Variants in GPHN observed in about 807,000 individuals in gnomAD.
The protein encoded by GPHN is gephyrin.
In GPHN, 17 loss-of-function variants were observed where a neutral mutation model predicts 95.5. That is an observed-to-expected ratio of 0.18 (90% confidence interval 0.12 to 0.27). The LOEUF is 0.27. Among genes scored for constraint, GPHN ranks in the 10% least tolerant of loss-of-function variants. The pLI is 1.00. For missense variants in GPHN, 660 were observed against 978.1 expected (o/e 0.67, Z 4.34); for synonymous variants, 320 against 322.5 (o/e 0.99, Z 0.08).
chr14:67,202,943 T>G, the GPHN span: 1 of 831,942 alleles, frequency 1.2e-6, no homozygotes, highest in Non-Finnish European at 1.8e-6. Flanking sequence ...CTGCGGTATC[T>G]CCAAGAATTA....
rs542363257 is a variant in GPHN, at chr14:67,063,774, T to A, written c.1144+4988T>A. On this transcript the variant is annotated intron_variant, in intron 11 of 22. Transcript: ENST00000478722. ...TAGGAATGCTTGTGATTTTTGCAGG[T>A]TGATTTTGTATCTTGAGACTTTGCT... 2.0e-4 allele frequency among the ~76,000 whole-genome samples: 30 copies of A among 152,348 alleles called. No homozygotes were observed. The South Asian group carries it at 4.8e-3, about 24-fold the overall frequency.
chr14:67,575,696 C>T, the GPHN span: 4 of 772,502 alleles, frequency 5.2e-6, no homozygotes, highest in African/African-American at 6.9e-5. Flanking sequence ...GCTATAGTCT[C>T]CACCTCCCCA....
At chr14:66,989,854 A>G (rs961937828) in intron 9 of GPHN, among the ~76,000 whole-genome samples, 12 of 152,330 alleles carry the variant, frequency 7.9e-5, no homozygotes, top group Admixed American at 7.9e-4. Context: ...TCTCAGAACC[A>G]TAGACTATAT....
intron 1 of GPHN, among the ~76,000 whole-genome samples, chr14:66,567,291 G>A (rs1341210602): frequency 6.6e-6 from 1 of 152,154 alleles, no homozygotes; most frequent in East Asian, 1.9e-4. Flanking sequence ...GGGGACTTTG[G>A]ATGGTGGCGT....
chr14:66,639,978 A>T (rs1007333485), intron 1 of GPHN, among the ~76,000 whole-genome samples: 2 of 152,184 alleles, frequency 1.3e-5, no homozygotes, highest in African/African-American at 4.8e-5. Context: ...AAGATATTAA[A>T]TGTAGGGATT....
intron 4 of GPHN, among the ~76,000 whole-genome samples, chr14:66,868,962 A>G (rs1045160659): frequency 5.9e-5 from 9 of 152,204 alleles, no homozygotes; most frequent in African/African-American, 2.2e-4. Flanking sequence ...TTGGAAAAAT[A>G]TTTAGACGTC....
At chr14:67,133,607 G>A (rs2079858294) in intron 17 of GPHN, among the ~76,000 whole-genome samples, 1 of 152,070 alleles carries the variant, frequency 6.6e-6, no homozygotes, top group African/African-American at 2.4e-5. Context: ...TTGGAATTGA[G>A]CCCCCAAAGC....
At chr14:67,419,548 A>C in the GPHN span, among the ~76,000 whole-genome samples, 4 of 152,216 alleles carry the variant, frequency 2.6e-5, no homozygotes, top group Non-Finnish European at 5.9e-5. Flanking sequence ...CAAAGAAAGC[A>C]GGGGGGTTCT....
chr14:67,086,423 G>A (rs1436928193), intron 11 of GPHN, among the ~76,000 whole-genome samples: 5 of 152,042 alleles, frequency 3.3e-5, no homozygotes, highest in African/African-American at 9.7e-5. Flanking sequence ...AGGCCGAGGC[G>A]GGCAGATCAC....
intron 3 of GPHN, among the ~76,000 whole-genome samples, chr14:66,778,273 T>G (rs1397527714): frequency 6.6e-6 from 1 of 152,206 alleles, no homozygotes; most frequent in Non-Finnish European, 1.5e-5. Flanking sequence ...ACAAGGGACA[T>G]GAAGGACCTC....
At chr14:67,381,709 C>T in the GPHN span, 1 of 1,566,954 alleles carries the variant, frequency 6.4e-7, no homozygotes, top group African/African-American at 1.4e-5. Context: ...TGAGTTGTCT[C>T]CCTCCCTGCT....
At chr14:67,147,718 G>A (rs1467975535) in intron 18 of GPHN, among the ~76,000 whole-genome samples, 3 of 151,972 alleles carry the variant, frequency 2.0e-5, no homozygotes, top group Non-Finnish European at 2.9e-5. Flanking sequence ...TTTAATCAGC[G>A]TTTCCTCTGA....
the GPHN span, chr14:67,649,133 A>G: frequency 2.0e-4 from 30 of 152,290 alleles, no homozygotes; most frequent in African/African-American, 5.1e-4. Flanking sequence ...TTTGCTTCCT[A>G]AAAACACCAC....
the GPHN span, among the ~76,000 whole-genome samples, chr14:67,434,970 CTT>C: frequency 7.2e-5 from 10 of 138,072 alleles, no homozygotes; most frequent in Non-Finnish European, 8.0e-5. Context: ...TTCTCTCTCT[CTT>C]TTTTTTTTTT....
the GPHN span, among the ~76,000 whole-genome samples, chr14:67,274,737 A>T: frequency 6.6e-6 from 1 of 152,268 alleles, no homozygotes; most frequent in East Asian, 1.9e-4. Context: ...CACGATATTG[A>T]TTCTTCCCAT....
intron 2 of GPHN, among the ~76,000 whole-genome samples, chr14:66,690,608 G>A (rs1455338362): frequency 2.0e-5 from 3 of 152,146 alleles, no homozygotes; most frequent in Non-Finnish European, 4.4e-5. Flanking sequence ...GAGTGTTGAA[G>A]TCCCCATCTA....
chr14:67,731,349 G>T, the GPHN span, among the ~76,000 whole-genome samples: 1 of 151,018 alleles, frequency 6.6e-6, no homozygotes, highest in Non-Finnish European at 1.5e-5. Context: ...CGAGTAGCTG[G>T]GATTACAGGT....
intron 2 of GPHN, among the ~76,000 whole-genome samples, chr14:66,759,894 A>C (rs1469439876): frequency 6.6e-6 from 1 of 152,182 alleles, no homozygotes; most frequent in African/African-American, 2.4e-5. Flanking sequence ...AAATTAGAGA[A>C]ACTTCTGAAT....
At chr14:67,313,615 A>G in the GPHN span, among the ~76,000 whole-genome samples, 5 of 152,218 alleles carry the variant, frequency 3.3e-5, no homozygotes, top group Admixed American at 3.3e-4. Flanking sequence ...GAATACATAC[A>G]GGATGATAAA....
Sources: allele counts gnomAD v4.1 joint callset (sites outside exome capture counted in the v4.1 genomes callset), GRCh38; gene constraint gnomAD v4.1.1; transcripts MANE v1.5; gene names NCBI Gene and HGNC (gene_info 2026-07-23, HGNC 2026-07-21).